The following TMEM135 variants were observed in gnomAD, a reference collection of about 807,000 sequenced individuals.
TMEM135 encodes peroxisomal membrane protein 52.
In TMEM135, 30 loss-of-function variants were observed where a neutral mutation model predicts 60.3. The observed-to-expected ratio is 0.50, with a 90% CI of 0.37 to 0.68. The LOEUF (loss-of-function observed/expected upper bound fraction) is 0.68, where lower values mean the gene tolerates loss of function less well. TMEM135 is among the 30% of genes least tolerant of loss of function. The probability of loss-of-function intolerance (pLI) is 0.00; values close to 1 mark genes in which losing one functional copy is unlikely to be tolerated. For synonymous variants in TMEM135, 190 were observed against 186.7 expected, an observed-to-expected ratio of 1.02 and a Z score of -0.14; for missense variants, 468 against 548.8, an observed-to-expected ratio of 0.85 and a Z score of 1.47.
intron 5 of TMEM135, among the ~76,000 whole-genome samples, chr11:87,210,021 G>A (rs546134033): frequency 1.4e-4 from 22 of 152,272 alleles, no homozygotes; most frequent in African/African-American, 5.1e-4. Context: ...CACAGCTAAA[G>A]CAGCGTTAAG....
chr11:87,109,773 T>G (rs1565444792), intron 4 of TMEM135, among the ~76,000 whole-genome samples: 1 of 151,804 alleles, frequency 6.6e-6, no homozygotes, highest in East Asian at 1.9e-4. Flanking sequence ...CTGCAGTATG[T>G]TAAAGTAAAT....
At chr11:87,165,818 G>C (rs1420326141) in intron 5 of TMEM135, among the ~76,000 whole-genome samples, 1 of 147,918 alleles carries the variant, frequency 6.8e-6, no homozygotes, top group South Asian at 2.2e-4. Context: ...TTTTTGAAAG[G>C]ATCAATAAAA....
At chr11:87,312,986 G>A (rs1292790962) in intron 10 of TMEM135, among the ~76,000 whole-genome samples, 1 of 151,730 alleles carries the variant, frequency 6.6e-6, no homozygotes, top group Admixed American at 6.6e-5. Context: ...CAGATCTGCT[G>A]GTGGTGGATT....
intron 5 of TMEM135, among the ~76,000 whole-genome samples, chr11:87,171,683 C>T (rs1470610150): frequency 6.6e-6 from 1 of 152,148 alleles, no homozygotes; most frequent in Non-Finnish European, 1.5e-5. Flanking sequence ...ATGGCTTTAA[C>T]ATTTTCTGCT....
At chr11:87,241,620 T>C (rs975886277) in intron 6 of TMEM135, among the ~76,000 whole-genome samples, 1 of 152,072 alleles carries the variant, frequency 6.6e-6, no homozygotes, top group Non-Finnish European at 1.5e-5. Flanking sequence ...TAACTATATT[T>C]TTGTACTCAT....
intron 5 of TMEM135, among the ~76,000 whole-genome samples, chr11:87,172,048 CT>C (rs1939251242): frequency 6.6e-6 from 1 of 152,112 alleles, no homozygotes; most frequent in Non-Finnish European, 1.5e-5. Flanking sequence ...TTGGGAACCC[CT>C]GTGCTTAATT....
intron 4 of TMEM135, among the ~76,000 whole-genome samples, chr11:87,091,666 G>T (rs1857208106): frequency 6.6e-6 from 1 of 151,932 alleles, no homozygotes; most frequent in Non-Finnish European, 1.5e-5. Flanking sequence ...CTGATAGGCT[G>T]TACTTGTATG....
chr11:87,187,383 G>A (rs1939678900), intron 5 of TMEM135, among the ~76,000 whole-genome samples: 1 of 152,176 alleles, frequency 6.6e-6, no homozygotes, highest in East Asian at 1.9e-4. Context: ...AACAGGGAAT[G>A]GAGAAATAGT....
intron 3 of TMEM135, among the ~76,000 whole-genome samples, chr11:87,087,338 C>T (rs1459565013): frequency 2.0e-5 from 3 of 151,322 alleles, no homozygotes; most frequent in Non-Finnish European, 4.4e-5. Context: ...CATTTATTCT[C>T]ACCACTTGGC....
At chr11:87,212,809 T>C (rs1271069483) in intron 5 of TMEM135, among the ~76,000 whole-genome samples, 1 of 138,614 alleles carries the variant, frequency 7.2e-6, no homozygotes, top group Non-Finnish European at 1.5e-5. Flanking sequence ...GGTGACAGAG[T>C]GAGACCTGAT....
Position 87,325,958 on chromosome 11 carries a change from A to G in TMEM135, c.*4625A>G, listed in dbSNP as rs1471410056. ...TGTATTGGGTTTTATCTTTTGTCCC[A>G]GCAGACCTGAAAATCCCAGTATATT... On this transcript the variant is annotated 3_prime_UTR_variant, in exon 15 of 15. Coordinates refer to ENST00000305494, the MANE Select transcript of TMEM135 (RefSeq NM_022918.4). The G allele has an allele frequency of 2.2e-6, 1 of 453,942 alleles. No individual in the cohort carries two copies. Among genetic ancestry groups the G allele is most frequent in the Admixed American group, 2.4e-5 (1 of 42,528 alleles). 28.1% of individuals were successfully genotyped at this position (453,942 alleles called of 1,614,324 possible). A position where few individuals can be genotyped will look rare whatever the true frequency, so the allele number is the denominator to read the frequency against.
At position 87,322,275 on chromosome 11, in the gene TMEM135, C is replaced by T. The variant is rs1942835653; in HGVS notation, c.*942C>T. On this transcript the variant is annotated 3_prime_UTR_variant, in exon 15 of 15. Coordinates refer to ENST00000305494, the MANE Select transcript of TMEM135 (RefSeq NM_022918.4). ...GTCTTGGCAAGTTGGCAGTTTGTGT[C>T]CTCTCAGCTGTTTAACTTATGTAAT... 2.2e-6 allele frequency: 1 copy of T among 454,056 alleles called. No homozygotes were observed. The highest frequency in any genetic ancestry group is 2.4e-5 in the Admixed American group (1 of 42,528). 28.1% of individuals were successfully genotyped at this position (454,056 alleles called of 1,614,324 possible). A position where few individuals can be genotyped will look rare whatever the true frequency, so the allele number is the denominator to read the frequency against.
chr11:87,120,699 C>T (rs11234974), intron 4 of TMEM135, among the ~76,000 whole-genome samples: 19,511 of 151,816 alleles, frequency 0.13, 1,333 homozygotes, highest in Middle Eastern at 0.15. Flanking sequence ...ATCTCCTGAC[C>T]TCATGATCCA....
intron 1 of TMEM135, among the ~76,000 whole-genome samples, chr11:87,062,804 A>G (rs761427192): frequency 1.4e-4 from 22 of 152,154 alleles, no homozygotes; most frequent in Non-Finnish European, 2.2e-4. Context: ...AAGTAGAAAA[A>G]ATGAACAGTT....
intron 4 of TMEM135, among the ~76,000 whole-genome samples, chr11:87,097,854 C>G (rs1391692864): frequency 6.6e-6 from 1 of 152,190 alleles, no homozygotes; most frequent in Non-Finnish European, 1.5e-5. Context: ...ACATCTATCT[C>G]ACATAGTAAC....
chr11:87,156,749 G>A (rs1366910366), intron 4 of TMEM135, among the ~76,000 whole-genome samples: 2 of 152,190 alleles, frequency 1.3e-5, no homozygotes, highest in East Asian at 3.9e-4. Flanking sequence ...TATATTAGTA[G>A]CAGATAAGTG....
At chr11:87,306,673 G>A (rs1942548766) in intron 9 of TMEM135, among the ~76,000 whole-genome samples, 1 of 152,016 alleles carries the variant, frequency 6.6e-6, no homozygotes, top group Non-Finnish European at 1.5e-5. Context: ...TTTCTTTGCA[G>A]TCAGCATGGC....
At chr11:87,210,926 G>T (rs1250250079) in intron 5 of TMEM135, among the ~76,000 whole-genome samples, 1 of 152,068 alleles carries the variant, frequency 6.6e-6, no homozygotes, top group Non-Finnish European at 1.5e-5. Context: ...TGCAGAAAAG[G>T]CCTTTGATAA....
At chr11:87,046,360 C>T (rs148140567) in intron 1 of TMEM135, among the ~76,000 whole-genome samples, 31 of 151,166 alleles carry the variant, frequency 2.1e-4, no homozygotes, top group African/African-American at 5.3e-4. Context: ...GCCTGGGAGA[C>T]GGAGCGAGAC....
Sources: allele counts gnomAD v4.1 joint callset (sites outside exome capture counted in the v4.1 genomes callset), GRCh38; gene constraint gnomAD v4.1.1; transcripts MANE v1.5; gene names NCBI Gene and HGNC (gene_info 2026-07-23, HGNC 2026-07-21).